SLC6A6: variants seen among roughly 807,000 people sequenced by gnomAD.
SLC6A6 encodes the protein sodium- and chloride-dependent taurine transporter.
A neutral mutation model predicts 68.8 loss-of-function variants in SLC6A6; 16 were observed. That is an observed-to-expected ratio of 0.23 (90% CI 0.16 to 0.35). The LOEUF (loss-of-function observed/expected upper bound fraction) is 0.35, where lower values mean the gene tolerates loss of function less well. SLC6A6 is among the 10% of genes least tolerant of loss of function. The pLI, the probability that SLC6A6 is intolerant of heterozygous loss-of-function variation, is 1.00. For missense variants in SLC6A6, 474 were observed against 802.8 expected (o/e 0.59, Z 4.95); for synonymous variants, 312 against 315.4 (o/e 0.99, Z 0.12).
intron 10 of SLC6A6, among the ~76,000 whole-genome samples, chr3:14,475,348 T>A (rs1700852123): frequency 6.6e-6 from 1 of 152,232 alleles, no homozygotes; most frequent in Middle Eastern, 3.4e-3. Context: ...TGGTTTTTTT[T>A]AACAAATTGT....
At chr3:14,474,480 C>A (rs1700827845) in intron 10 of SLC6A6, among the ~76,000 whole-genome samples, 1 of 152,184 alleles carries the variant, frequency 6.6e-6, no homozygotes, top group Admixed American at 6.5e-5. Context: ...AGAACTTTTT[C>A]CTCTTCCCAA....
intron 1 of SLC6A6, among the ~76,000 whole-genome samples, chr3:14,410,298 A>C (rs565108797): frequency 6.6e-6 from 1 of 152,068 alleles, no homozygotes; most frequent in South Asian, 2.1e-4. Context: ...GGATTTAAGG[A>C]AAGGGTTAAT....
rs1701257959 is a variant in SLC6A6 at position 14,489,028 on chromosome 3, C to G, written c.*4021C>G. The G allele has an allele frequency of 6.6e-6, 1 of 152,086 alleles. No homozygotes were observed. The highest frequency in any genetic ancestry group is 1.5e-5 in the Non-Finnish European group (1 of 67,958). The allele number at this position is 152,086 out of a possible 1,614,324, so 9.4% of individuals were successfully genotyped here. A position where few individuals can be genotyped will look rare whatever the true frequency, so the allele number is the denominator to read the frequency against. On this transcript the variant is annotated 3_prime_UTR_variant, in exon 15 of 15. Transcript: ENST00000622186. Reference sequence around the variant, plus strand: ...CCTTCCAGAAATATGTCTGGCTCATCAGGACATTTTTTTAAAACTTCAAAA... The same window carrying G: ...CCTTCCAGAAATATGTCTGGCTCATGAGGACATTTTTTTAAAACTTCAAAA...
chr3:14,403,093 T>A lies in SLC6A6; in HGVS notation c.-54+246T>A, dbSNP rs1164702274. Among the ~76,000 whole-genome samples the A allele has an allele frequency of 1.5e-5, 2 of 135,264 alleles. No homozygotes were observed. The highest frequency in any genetic ancestry group is 6.2e-5 in the African/African-American group (2 of 32,258). The allele number at this position is 135,264 out of a possible 152,430, so 88.7% of individuals were successfully genotyped here. On this transcript the variant is annotated intron_variant, in intron 1 of 14. Coordinates refer to ENST00000622186, the MANE Select transcript of SLC6A6 (RefSeq NM_003043.6). ...CGGCAGGAGAGTGTGTGTGTGTGTGTGTGTGTGTGTGTGTGTGTGTGTGTG... is the reference window on the plus strand; with the variant it reads ...CGGCAGGAGAGTGTGTGTGTGTGTGAGTGTGTGTGTGTGTGTGTGTGTGTG...
At position 14,487,769 on chromosome 3, in the gene SLC6A6, G is replaced by A. The variant is rs887648938; in HGVS notation, c.*2762G>A. The A allele has an allele frequency of 6.6e-6, 1 of 152,378 alleles. No individual in the cohort carries two copies. Among genetic ancestry groups the A allele is most frequent in the East Asian group, 1.9e-4 (1 of 5,186 alleles). 9.4% of individuals were successfully genotyped at this position (152,378 alleles called of 1,614,324 possible). On this transcript the variant is annotated 3_prime_UTR_variant, in exon 15 of 15. Transcript: ENST00000622186. ...AGGCTCAGGGAGGCACTGTGAGCCAGGAATGGATTTTCTTGAAACAGCTCT... is the reference window on the plus strand; with the variant it reads ...AGGCTCAGGGAGGCACTGTGAGCCAAGAATGGATTTTCTTGAAACAGCTCT...
chr3:14,427,281 C>A (rs1699621807), intron 2 of SLC6A6, among the ~76,000 whole-genome samples: 1 of 152,210 alleles, frequency 6.6e-6, no homozygotes, highest in Admixed American at 6.5e-5. Flanking sequence ...ACGTACACTT[C>A]TCTGGGCACC....
At chr3:14,420,888 G>T (rs1038570085) in intron 2 of SLC6A6, among the ~76,000 whole-genome samples, 1 of 152,208 alleles carries the variant, frequency 6.6e-6, no homozygotes, top group Admixed American at 6.5e-5. Flanking sequence ...GTGTTGTGCC[G>T]CCAATTTCCC....
intron 2 of SLC6A6, among the ~76,000 whole-genome samples, chr3:14,435,686 T>C (rs1407564932): frequency 6.6e-6 from 1 of 152,152 alleles, no homozygotes; most frequent in Non-Finnish European, 1.5e-5. Context: ...CTGGGGGCAA[T>C]AGTGTGACCA....
At chr3:14,483,197 A>G (rs539889304) in intron 14 of SLC6A6, among the ~76,000 whole-genome samples, 100 of 152,242 alleles carry the variant, frequency 6.6e-4, no homozygotes, top group African/African-American at 2.2e-3. Flanking sequence ...CATGGGGGAA[A>G]GAGGTGGGGG....
intron 1 of SLC6A6, among the ~76,000 whole-genome samples, chr3:14,404,650 A>C (rs1171399362): frequency 6.6e-6 from 1 of 152,166 alleles, no homozygotes; most frequent in Non-Finnish European, 1.5e-5. Flanking sequence ...GGTTTCTTTG[A>C]GCCTCGGCTT....
At chr3:14,463,341 C>G (rs1197820664) in intron 6 of SLC6A6, among the ~76,000 whole-genome samples, 1 of 152,222 alleles carries the variant, frequency 6.6e-6, no homozygotes, top group Non-Finnish European at 1.5e-5. Context: ...TCACGAAGCC[C>G]TTAGCTGAGT....
intron 1 of SLC6A6, among the ~76,000 whole-genome samples, chr3:14,405,961 TG>T (rs1699097935): frequency 6.6e-6 from 1 of 152,010 alleles, no homozygotes; most frequent in Non-Finnish European, 1.5e-5. Context: ...GGTGGGGTAG[TG>T]GGCAGGAGGC....
intron 3 of SLC6A6, among the ~76,000 whole-genome samples, chr3:14,445,136 G>A (rs946975947): frequency 2.0e-5 from 3 of 152,192 alleles, no homozygotes; most frequent in Admixed American, 6.5e-5. Context: ...TGAAGGCTCT[G>A]AGGCAGCCGG....
chr3:14,465,489 C>G (rs1700596690), intron 6 of SLC6A6, among the ~76,000 whole-genome samples: 2 of 152,222 alleles, frequency 1.3e-5, no homozygotes, highest in African/African-American at 4.8e-5. Flanking sequence ...AACAGGCCCT[C>G]TTTCTGGAGC....
rs1701191059 is a variant in SLC6A6 at position 14,487,184 on chromosome 3, G to C, written c.*2177G>C. On this transcript the variant is annotated 3_prime_UTR_variant, in exon 15 of 15. Transcript: ENST00000622186. ...CCTGGGTGAAAGGCCACAGTATTTT[G>C]GGTTGGTAGGCAAATTGCAACATTC... The C allele has an allele frequency of 6.6e-6, 1 of 152,670 alleles. No individual in the cohort carries two copies. Among genetic ancestry groups the C allele is most frequent in the Non-Finnish European group, 1.5e-5 (1 of 68,048 alleles). 9.5% of individuals were successfully genotyped at this position (152,670 alleles called of 1,614,324 possible).
At chr3:14,431,572 A>G (rs1699725597) in intron 2 of SLC6A6, among the ~76,000 whole-genome samples, 1 of 152,154 alleles carries the variant, frequency 6.6e-6, no homozygotes, top group Non-Finnish European at 1.5e-5. Flanking sequence ...GAGAAACCAC[A>G]GCGTGTGCTT....
intron 5 of SLC6A6, among the ~76,000 whole-genome samples, chr3:14,448,679 C>T (rs1469691297): frequency 1.3e-5 from 2 of 152,218 alleles, no homozygotes; most frequent in Non-Finnish European, 2.9e-5. Context: ...AATTCTGTCT[C>T]TTCATGAGAG....
In SLC6A6 at chr3:14,481,555, A is replaced by C. The variant is rs1245059029; in HGVS notation, c.1552-116A>C. On this transcript the variant is annotated intron_variant, in intron 13 of 14. Transcript: ENST00000622186. The surrounding 1 kb of genome is among the most constrained non-coding windows in gnomAD (Gnocchi z 4.7). ...CAGAGAGGGGTGTGAGTTCTGAGCC[A>C]GTCCTTTCCCAAGGAGAGAGACCCT... is the stretch of plus-strand genomic sequence containing the variant. 1 of 706,926 alleles carries C rather than the reference A, an allele frequency of 1.4e-6. No individual in the cohort carries two copies. Among genetic ancestry groups the C allele is most frequent in the Non-Finnish European group, 2.5e-6 (1 of 407,646 alleles). 43.8% of individuals were successfully genotyped at this position (706,926 alleles called of 1,614,324 possible).
At chr3:14,430,309 G>T (rs767169843) in intron 2 of SLC6A6, among the ~76,000 whole-genome samples, 3 of 152,144 alleles carry the variant, frequency 2.0e-5, no homozygotes, top group African/African-American at 7.2e-5. Context: ...GGCTAAGCAC[G>T]TGGGAGCAGA....
Sources: allele counts gnomAD v4.1 joint callset (sites outside exome capture counted in the v4.1 genomes callset), GRCh38; gene constraint gnomAD v4.1.1; non-coding constraint Gnocchi (gnomAD v3.1); transcripts MANE v1.5; gene names NCBI Gene and HGNC (gene_info 2026-07-23, HGNC 2026-07-21).